ZBTB49: variants seen among roughly 807,000 people sequenced by gnomAD.
The protein encoded by ZBTB49 is zinc finger and BTB domain-containing protein 49.
In ZBTB49, 43 loss-of-function variants were observed where a neutral mutation model predicts 57.5. The observed-to-expected ratio is 0.75, with a 90% CI of 0.59 to 0.97. The LOEUF (loss-of-function observed/expected upper bound fraction) is 0.97, where lower values mean the gene tolerates loss of function less well. ZBTB49 is among the 50% of genes least tolerant of loss of function. ZBTB49 has a pLI of 0.00. For missense variants in ZBTB49, 938 were observed against 947.7 expected, an observed-to-expected ratio of 0.99 and a Z score of 0.13; for synonymous variants, 369 against 362.1, an observed-to-expected ratio of 1.02 and a Z score of -0.22.
chr4:4,321,424 G>A lies in ZBTB49; in HGVS notation c.*108G>A, dbSNP rs1348608668. ...TGACAGTGCCTTCTAACTAGCCAGA[G>A]AATAGGTAGCTTCCCTCCTGATGAT... is the stretch of plus-strand genomic sequence containing the variant. On this transcript the variant is annotated 3_prime_UTR_variant, in exon 8 of 8. Transcript: ENST00000337872. 3.5e-6 allele frequency: 4 copies of A among 1,151,736 alleles called. No homozygotes were observed. Among genetic ancestry groups the A allele is most frequent in the Non-Finnish European group, 4.9e-6 (4 of 812,438 alleles). The allele number at this position is 1,151,736 out of a possible 1,614,324, so 71.3% of individuals were successfully genotyped here.
rs539172288 is a variant in ZBTB49 at position 4,300,674 on chromosome 4, A to G, written c.152+577A>G. 1.1e-4 allele frequency among the ~76,000 whole-genome samples: 16 copies of G among 152,058 alleles called. No individual in the cohort carries two copies. The East Asian group carries it at 2.9e-3, about 28-fold the overall frequency. On this transcript the variant is annotated intron_variant, in intron 2 of 7. Coordinates refer to ENST00000337872, the MANE Select transcript of ZBTB49 (RefSeq NM_145291.4). ...CATTATTCTGTATTCCCAGCTACTC[A>G]GGAGGCTGAGGTGGAAGGATCCCTT...
intron 1 of ZBTB49, among the ~76,000 whole-genome samples, chr4:4,297,244 T>C (rs893538698): frequency 6.6e-6 from 1 of 152,112 alleles, no homozygotes; most frequent in Non-Finnish European, 1.5e-5. Context: ...CTAATTTTTG[T>C]ATTTTTGTAG....
Position 4,294,388 on chromosome 4 carries a change from G to A in ZBTB49, c.-20+4036G>A, listed in dbSNP as rs182723518. On this transcript the variant is annotated intron_variant, in intron 1 of 7. Coordinates refer to ENST00000337872, the MANE Select transcript of ZBTB49 (RefSeq NM_145291.4). Reference sequence around the variant, plus strand: ...AATTATTATTTTGAGATGGAGTCTCGTTCTGTTGCCCAGGCTGGAGTGCAG... The same window carrying A: ...AATTATTATTTTGAGATGGAGTCTCATTCTGTTGCCCAGGCTGGAGTGCAG... Among the ~76,000 whole-genome samples, 370 of 152,206 alleles carry A rather than the reference G, an allele frequency of 2.4e-3. 4 individuals carry two copies. The highest frequency in any genetic ancestry group is 8.5e-3 in the African/African-American group (352 of 41,514).
intron 4 of ZBTB49, among the ~76,000 whole-genome samples, chr4:4,307,320 G>A (rs866461677): frequency 1.3e-5 from 2 of 152,184 alleles, no homozygotes; most frequent in East Asian, 1.9e-4. Flanking sequence ...CCCTCCAGCC[G>A]CCATTCTTGA....
intron 3 of ZBTB49, among the ~76,000 whole-genome samples, chr4:4,303,760 C>CTCTCTCTCTCTGTGTGTGTGTGTGTGTG (rs1223289249): frequency 8.2e-6 from 1 of 121,324 alleles, no homozygotes; most frequent in African/African-American, 3.3e-5. Flanking sequence ...CTCTCTCTCT[C>CTCTCTCTCTCTGTGTGTGTGTGTGTGTG]TGTGTGTGTG....
chr4:4,298,425 C>T (rs1471499653), intron 1 of ZBTB49, among the ~76,000 whole-genome samples: 3 of 148,068 alleles, frequency 2.0e-5, no homozygotes, highest in African/African-American at 7.6e-5. Context: ...TAGTACCATA[C>T]TGCCTTTTTT....
At chr4:4,303,930 C>T (rs17701546) in intron 3 of ZBTB49, among the ~76,000 whole-genome samples, 63,409 of 151,794 alleles carry the variant, frequency 0.42, 13,410 homozygotes, top group Non-Finnish European at 0.46. Flanking sequence ...CAACAGGATG[C>T]TTCCACAGCA....
intron 5 of ZBTB49, among the ~76,000 whole-genome samples, chr4:4,315,302 G>A (rs1427067093): frequency 6.6e-6 from 1 of 152,168 alleles, no homozygotes. Flanking sequence ...CTGAACTGGG[G>A]AGACTCCTTT....
At chr4:4,312,839 C>G (rs1343933280) in intron 4 of ZBTB49, among the ~76,000 whole-genome samples, 1 of 152,212 alleles carries the variant, frequency 6.6e-6, no homozygotes, top group Non-Finnish European at 1.5e-5. Context: ...GGAGACACAT[C>G]TCGTGTACAG....
At chr4:4,296,483 G>A (rs779416488) in intron 1 of ZBTB49, among the ~76,000 whole-genome samples, 8 of 152,142 alleles carry the variant, frequency 5.3e-5, no homozygotes, top group African/African-American at 1.4e-4. Context: ...CTGCACAAGC[G>A]CTCTCTTTGC....
At chr4:4,299,105 G>T (rs538529871) in intron 1 of ZBTB49, among the ~76,000 whole-genome samples, 4 of 152,254 alleles carry the variant, frequency 2.6e-5, no homozygotes, top group African/African-American at 9.6e-5. Flanking sequence ...AACAAGTCCC[G>T]CAGGCCTGGG....
At chr4:4,301,090 T>C (rs1720452888) in intron 2 of ZBTB49, among the ~76,000 whole-genome samples, 1 of 152,206 alleles carries the variant, frequency 6.6e-6, no homozygotes, top group Non-Finnish European at 1.5e-5. Context: ...TTGGGTTTGC[T>C]ATCACCTGTT....
At chr4:4,313,521 G>A (rs1409739699) in intron 5 of ZBTB49, among the ~76,000 whole-genome samples, 1 of 152,190 alleles carries the variant, frequency 6.6e-6, no homozygotes, top group Non-Finnish European at 1.5e-5. Flanking sequence ...GTGGTGGAAG[G>A]TGCCACAAGC....
At chr4:4,316,431 GC>G (rs1336894507) in intron 7 of ZBTB49, among the ~76,000 whole-genome samples, 2 of 152,214 alleles carry the variant, frequency 1.3e-5, no homozygotes, top group Non-Finnish European at 2.9e-5. Context: ...AAAGCTGGCA[GC>G]CCTCGGTTTC....
At chr4:4,300,865 A>G (rs1720442377) in intron 2 of ZBTB49, among the ~76,000 whole-genome samples, 1 of 152,028 alleles carries the variant, frequency 6.6e-6, no homozygotes, top group South Asian at 2.1e-4. Flanking sequence ...CTTTAAATAC[A>G]AAGTCTTTTT....
Position 4,300,911 on chromosome 4 carries a change from G to A in ZBTB49, c.152+814G>A, listed in dbSNP as rs6815072. 2.5e-3 allele frequency among the ~76,000 whole-genome samples: 379 copies of A among 151,324 alleles called. 3 individuals are homozygous for A. The highest frequency in any genetic ancestry group is 8.8e-3 in the African/African-American group (362 of 41,176). ...ACTTTTTGTTTCCAAAATGCATACC[G>A]TTTTACTGCTCTAGTAGACAACGTG... On this transcript the variant is annotated intron_variant, in intron 2 of 7. Coordinates refer to ENST00000337872, the MANE Select transcript of ZBTB49 (RefSeq NM_145291.4).
chr4:4,301,580 CTATTAG>C (rs1720473703), intron 2 of ZBTB49, among the ~76,000 whole-genome samples: 1 of 151,916 alleles, frequency 6.6e-6, no homozygotes, highest in African/African-American at 2.4e-5. Context: ...TTTGTGTACT[CTATTAG>C]TATGTATTTA....
At chr4:4,313,233 C>T in intron 5 of ZBTB49, 119 bp downstream of exon 5, 1 of 966,912 alleles carries the variant, frequency 1.0e-6, no homozygotes, top group Admixed American at 2.8e-5. Flanking sequence ...CTCACCCTGC[C>T]ACTGCAGAAC....
chr4:4,293,518 G>C (rs1027223464), intron 1 of ZBTB49, among the ~76,000 whole-genome samples: 1 of 152,224 alleles, frequency 6.6e-6, no homozygotes, highest in Non-Finnish European at 1.5e-5. Context: ...TTTTAGCTGT[G>C]TGACCATCTT....
Sources: allele counts gnomAD v4.1 joint callset (sites outside exome capture counted in the v4.1 genomes callset), GRCh38; gene constraint gnomAD v4.1.1; transcripts MANE v1.5; gene names NCBI Gene and HGNC (gene_info 2026-07-23, HGNC 2026-07-21).